HECTD4: variants seen among roughly 807,000 people sequenced by gnomAD.
HECTD4 encodes HECT domain E3 ubiquitin protein ligase 4.
In HECTD4, 114 loss-of-function variants were observed where a neutral mutation model predicts 471.5. The ratio of observed to expected loss-of-function variants is 0.24; its 90% confidence interval spans 0.21 to 0.28. The LOEUF (loss-of-function observed/expected upper bound fraction) is 0.28. HECTD4 is among the 10% of genes least tolerant of loss of function. The probability of loss-of-function intolerance (pLI) is 1.00; values close to 1 mark genes in which losing one functional copy is unlikely to be tolerated. For synonymous variants in HECTD4, 2,012 were observed against 2,256.0 expected, an observed-to-expected ratio of 0.89 and a Z score of 3.07; for missense variants, 3,866 against 5,651.5, an observed-to-expected ratio of 0.68 and a Z score of 10.13.
At chr12:112,269,054 T>C (rs1281635544) in intron 13 of HECTD4, among the ~76,000 whole-genome samples, 2 of 151,218 alleles carry the variant, frequency 1.3e-5, no homozygotes, top group African/African-American at 4.9e-5. Flanking sequence ...TTTGTATTTT[T>C]AGTAGAGACG....
chr12:112,232,536 A>T (rs956881458), intron 38 of HECTD4, among the ~76,000 whole-genome samples: 2 of 152,158 alleles, frequency 1.3e-5, no homozygotes, highest in African/African-American at 4.8e-5. Context: ...GGGTATTACT[A>T]ATCTTTCTTG....
intron 2 of HECTD4, among the ~76,000 whole-genome samples, chr12:112,315,231 C>A (rs1733655529): frequency 6.6e-6 from 1 of 152,208 alleles, no homozygotes; most frequent in African/African-American, 2.4e-5. Flanking sequence ...CAAATCACCA[C>A]AAGAACACTT....
Position 112,194,758 on chromosome 12 carries a change from C to T in HECTD4, c.8749+127G>A. The T allele has an allele frequency of 2.4e-6, 2 of 832,454 alleles. No individual in the cohort carries two copies. The highest frequency in any genetic ancestry group is 3.7e-6 in the Non-Finnish European group (2 of 540,442). 51.6% of individuals were successfully genotyped at this position (832,454 alleles called of 1,614,324 possible). ...CCAGGAGAATCCCAGTTCCTGCGTG[C>T]AATTTCTCACGTGAGCCTATGCGCA... On this transcript the variant is annotated intron_variant, in intron 56 of 75. Transcript: ENST00000682272. This position sits in a 1 kb window ranked among gnomAD's most constrained non-coding sequence, Gnocchi z 4.6.
chr12:112,318,240 G>A lies in HECTD4; in HGVS notation c.695+985C>T, dbSNP rs2035523009. ...AGATCATGCCACTGCACTCCAGCCT[G>A]GGTGACAGAGTGAGACTCTGTCTCA... On this transcript the variant is annotated intron_variant, in intron 2 of 75. Coordinates refer to ENST00000682272, the MANE Select transcript of HECTD4 (RefSeq NM_001388303.1). 2.0e-5 allele frequency among the ~76,000 whole-genome samples: 3 copies of A among 151,964 alleles called. No individual in the cohort carries two copies. In the South Asian group the frequency reaches 6.2e-4, roughly 32 times the overall value.
chr12:112,296,037 C>A (rs1222536529), intron 7 of HECTD4, among the ~76,000 whole-genome samples: 1 of 152,192 alleles, frequency 6.6e-6, no homozygotes, highest in Non-Finnish European at 1.5e-5. Context: ...GTCCAATATT[C>A]CAGCACAAGG....
rs770191856 is a variant in HECTD4 at position 112,246,945 on chromosome 12, G to C, written c.4469C>G (p.Ser1490Trp). The C allele has an allele frequency of 6.2e-7, 1 of 1,612,166 alleles. No homozygotes were observed. The highest frequency in any genetic ancestry group is 8.5e-7 in the Non-Finnish European group (1 of 1,179,840). The change falls in exon 29 of 76, where the codon TCG becomes TGG. Residue 1490 changes from serine (S) to tryptophan (W), a missense_variant. Physicochemically the swap from Ser to Trp is radical, Grantham distance 177. Coordinates refer to ENST00000682272, the MANE Select transcript of HECTD4 (RefSeq NM_001388303.1). ...CCCAGAGATGCTTCTCGTGAGGCCC[G>C]ACTGGGCTGCGATGGTGACATGCAG... is the stretch of plus-strand genomic sequence containing the variant. ...LLLHVTIAAQSGLTRSISGTP... is the reference protein window; with the variant it reads ...LLLHVTIAAQWGLTRSISGTP...
intron 66 of HECTD4, 91 bp from the exon 67 acceptor site, chr12:112,172,952 T>A (rs2031288963): frequency 1.8e-6 from 2 of 1,133,086 alleles, no homozygotes; most frequent in Non-Finnish European, 2.6e-6. Context: ...TGTCCTCAGC[T>A]CCTGGAGCAC....
chr12:112,242,889 T>C (rs2033674669), intron 32 of HECTD4, among the ~76,000 whole-genome samples: 1 of 152,164 alleles, frequency 6.6e-6, no homozygotes, highest in African/African-American at 2.4e-5. Context: ...CCAGCCTTGG[T>C]GACAGAGTGA....
rs999576486 is a variant in HECTD4, at chr12:112,376,163, C to CT, written c.177+5788dup. Among the ~76,000 whole-genome samples the CT allele has an allele frequency of 4.6e-5, 7 of 151,520 alleles. 1 individual carries two copies. In the South Asian group the frequency reaches 6.3e-4, roughly 14 times the overall value. ...AAATAAATACAAACGGCTATTTTTT[C>CT]TTTTTTTTTCTCTTTGCCTTTTTCC... On this transcript the variant is annotated intron_variant, in intron 1 of 75. Transcript: ENST00000682272.
At chr12:112,320,895 TG>T (rs1158604708) in intron 1 of HECTD4, among the ~76,000 whole-genome samples, 2 of 152,030 alleles carry the variant, frequency 1.3e-5, no homozygotes, top group African/African-American at 4.8e-5. Context: ...TTGCCCAGGC[TG>T]GAGTGCAATG....
intron 20 of HECTD4, among the ~76,000 whole-genome samples, chr12:112,257,324 G>T (rs2034038944): frequency 6.6e-6 from 1 of 152,196 alleles, no homozygotes; most frequent in Admixed American, 6.5e-5. Context: ...GAACTAGACA[G>T]CACAGATAGA....
At chr12:112,268,745 A>C (rs2034339128) in intron 13 of HECTD4, among the ~76,000 whole-genome samples, 1 of 151,288 alleles carries the variant, frequency 6.6e-6, no homozygotes, top group Non-Finnish European at 1.5e-5. Flanking sequence ...AACAAGAGTG[A>C]AACTCCGTCT....
intron 1 of HECTD4, among the ~76,000 whole-genome samples, chr12:112,355,699 G>A (rs1756945854): frequency 6.6e-6 from 1 of 152,072 alleles, no homozygotes; most frequent in South Asian, 2.1e-4. Flanking sequence ...GGGAGGCGGA[G>A]GTTGCAGTGA....
chr12:112,216,098 G>A (rs552842311), intron 48 of HECTD4, among the ~76,000 whole-genome samples, 194 bp downstream of exon 48: 3 of 152,340 alleles, frequency 2.0e-5, no homozygotes, highest in Non-Finnish European at 2.9e-5. Context: ...GTTACCAAAT[G>A]GAGGCTCTAA....
At chr12:112,247,670 G>T in intron 27 of HECTD4, 120 bp from the exon 28 acceptor site, 1 of 447,960 alleles carries the variant, frequency 2.2e-6, no homozygotes, top group Non-Finnish European at 4.0e-6. Flanking sequence ...TTCTATGCTT[G>T]AAACTCATTT....
At chr12:112,336,802 T>C (rs1276127259) in intron 1 of HECTD4, among the ~76,000 whole-genome samples, 1 of 152,196 alleles carries the variant, frequency 6.6e-6, no homozygotes, top group Non-Finnish European at 1.5e-5. Context: ...TTGTCGAACT[T>C]GCTGATGGGT....
chr12:112,167,310 C>T lies in HECTD4; in HGVS notation c.12534+7G>A. The T allele has an allele frequency of 6.2e-7, 1 of 1,604,906 alleles. No homozygotes were observed. The highest frequency in any genetic ancestry group is 2.2e-5 in the East Asian group (1 of 44,768). ...TGCAGCCCCCCAGAACTGTGCCTTG[C>T]ACTCACGCTCTCAAACTTCTTGACG... On this transcript the variant is annotated splice_region_variant and intron_variant, in intron 72 of 75. Coordinates refer to ENST00000682272, the MANE Select transcript of HECTD4 (RefSeq NM_001388303.1).
At position 112,265,931 on chromosome 12, in the gene HECTD4, C is replaced by T. The variant is rs2034259406; in HGVS notation, c.2445G>A (p.Leu815=). The change falls in exon 15 of 76, where the codon CTG becomes CTA. Residue 815 remains leucine, a synonymous_variant. Coordinates refer to ENST00000682272, the MANE Select transcript of HECTD4 (RefSeq NM_001388303.1). ...SQLRDVILTN[L]AEQLQNNRFG... ...ATCGGTTGTTTTGGAGCTGTTCAGC[C>T]AGGTTGGTTAGGATCACATCCCGTA... The T allele has an allele frequency of 2.5e-6, 4 of 1,613,856 alleles. No homozygotes were observed. In the South Asian group the frequency reaches 3.3e-5, roughly 13 times the overall value.
rs1171578468 is a variant in HECTD4 at position 112,171,252 on chromosome 12, C to T, written c.11797G>A (p.Glu3933Lys). The change falls in exon 68 of 76, where the codon GAG (glutamate) becomes AAG (lysine). Residue 3933 changes from glutamate to lysine, a missense_variant. Coordinates refer to ENST00000682272, the MANE Select transcript of HECTD4 (RefSeq NM_001388303.1). Reference sequence around the variant, plus strand: ...AAGGCGAAGCGCAGGCGCAGGCTCTCGATGGGCACGTCTGAGGGCGCAGGA... The same window carrying T: ...AAGGCGAAGCGCAGGCGCAGGCTCTTGATGGGCACGTCTGAGGGCGCAGGA... The part of the protein sequence containing the change: ...RVACLLNVPI[E>K]SLRLRFALLQ... The T allele has an allele frequency of 1.9e-6, 3 of 1,605,678 alleles. No homozygotes were observed. The highest frequency in any genetic ancestry group is 2.5e-6 in the Non-Finnish European group (3 of 1,176,476).
Sources: allele counts gnomAD v4.1 joint callset (sites outside exome capture counted in the v4.1 genomes callset), GRCh38; gene constraint gnomAD v4.1.1; non-coding constraint Gnocchi (gnomAD v3.1); transcripts MANE v1.5; gene names NCBI Gene and HGNC (gene_info 2026-07-23, HGNC 2026-07-21).